AIG1: variants seen among roughly 807,000 people sequenced by gnomAD.
AIG1 encodes the protein androgen induced 1.
Under a neutral mutation model 31.4 loss-of-function variants are expected in AIG1, and 23 were observed. That is an observed-to-expected ratio of 0.73 (90% CI 0.53 to 1.04). AIG1 has a LOEUF of 1.04. AIG1 is among the 50% of genes least tolerant of loss of function. The pLI is 0.00. For synonymous variants in AIG1, 100 were observed against 110.5 expected, an observed-to-expected ratio of 0.90 and a Z score of 0.60; for missense variants, 274 against 295.0, an observed-to-expected ratio of 0.93 and a Z score of 0.52.
chr6:143,239,998 C>G (rs1360746933), intron 3 of AIG1, among the ~76,000 whole-genome samples: 1 of 152,130 alleles, frequency 6.6e-6, no homozygotes, highest in Non-Finnish European at 1.5e-5. Flanking sequence ...TACCTAAAGC[C>G]CATCTAAAAT....
At chr6:143,209,479 G>C (rs1418123662) in intron 3 of AIG1, among the ~76,000 whole-genome samples, 1 of 152,162 alleles carries the variant, frequency 6.6e-6, no homozygotes, top group Non-Finnish European at 1.5e-5. Flanking sequence ...ATGTGTAAAA[G>C]GGAGGCAGAA....
At chr6:143,174,441 C>T (rs1787938425) in intron 3 of AIG1, among the ~76,000 whole-genome samples, 2 of 140,710 alleles carry the variant, frequency 1.4e-5, no homozygotes, top group Admixed American at 1.5e-4. Context: ...GAGCAGAGAC[C>T]ATACCATTGC....
At chr6:143,261,142 T>TC (rs772077498) in intron 3 of AIG1, among the ~76,000 whole-genome samples, 8 of 151,938 alleles carry the variant, frequency 5.3e-5, no homozygotes, top group Non-Finnish European at 8.8e-5. Flanking sequence ...TCTTTTTTTT[T>TC]CTCTTTTGAG....
intron 3 of AIG1, among the ~76,000 whole-genome samples, chr6:143,222,320 C>A (rs1792584286): frequency 6.6e-6 from 1 of 152,098 alleles, no homozygotes; most frequent in Non-Finnish European, 1.5e-5. Flanking sequence ...TAGGTGAAGC[C>A]ATCAGTAACT....
intron 3 of AIG1, among the ~76,000 whole-genome samples, chr6:143,231,027 C>T (rs1793406278): frequency 1.3e-5 from 2 of 152,160 alleles, no homozygotes; most frequent in African/African-American, 2.4e-5. Context: ...CTTTAGTTTC[C>T]TCATCTAACA....
rs1012713388 is a variant in AIG1, at chr6:143,326,912, C to T, written c.516-6370C>T. ...AGATATGGGATGGGGCCAAAGAGAC[C>T]GATAGAAGCCACTCTATGAAGAGCA... is the stretch of plus-strand genomic sequence containing the variant. On this transcript the variant is annotated intron_variant, in intron 4 of 5. Transcript: ENST00000357847. This position sits in a 1 kb window ranked among gnomAD's most constrained non-coding sequence, Gnocchi z 4.5. Among the ~76,000 whole-genome samples, 5 of 152,000 alleles carry T rather than the reference C, an allele frequency of 3.3e-5. No homozygotes were observed. Among genetic ancestry groups the T allele is most frequent in the South Asian group, 2.1e-4 (1 of 4,810 alleles).
rs1047819252 is a variant in AIG1, at chr6:143,246,958, C to A, written c.400-37152C>A. Reference sequence around the variant, plus strand: ...TATGGTTTATGACAGGAAAAGGATACAGAATAATGTCAGCCAAGGGAAGAG... The same window carrying A: ...TATGGTTTATGACAGGAAAAGGATAAAGAATAATGTCAGCCAAGGGAAGAG... On this transcript the variant is annotated intron_variant, in intron 3 of 5. Coordinates refer to ENST00000357847, the MANE Select transcript of AIG1 (RefSeq NM_016108.4). 4.3e-4 allele frequency among the ~76,000 whole-genome samples: 65 copies of A among 152,234 alleles called. 1 individual carries two copies. The highest frequency in any genetic ancestry group is 1.4e-3 in the African/African-American group (57 of 41,534).
intron 3 of AIG1, among the ~76,000 whole-genome samples, chr6:143,197,731 G>A (rs1265444241): frequency 6.6e-6 from 1 of 152,180 alleles, no homozygotes; most frequent in African/African-American, 2.4e-5. Context: ...GAATAATTGG[G>A]TAGAACAGAG....
intron 4 of AIG1, among the ~76,000 whole-genome samples, chr6:143,308,153 G>T (rs536209778): frequency 6.6e-6 from 1 of 152,202 alleles, no homozygotes; most frequent in Non-Finnish European, 1.5e-5. Flanking sequence ...GACCCCTTGC[G>T]CTTCCTGAGT....
At chr6:143,312,351 A>G (rs922768082) in intron 4 of AIG1, among the ~76,000 whole-genome samples, 5 of 152,134 alleles carry the variant, frequency 3.3e-5, no homozygotes, top group Non-Finnish European at 5.9e-5. Flanking sequence ...TAGTACTGGC[A>G]TAAAAGCTGA....
At chr6:143,084,534 C>T (rs1046520806) in intron 1 of AIG1, among the ~76,000 whole-genome samples, 2 of 152,102 alleles carry the variant, frequency 1.3e-5, no homozygotes, top group African/African-American at 2.4e-5. Flanking sequence ...TATAAAAAAC[C>T]GAGGTTGCCA....
chr6:143,285,490 C>T lies in AIG1; in HGVS notation c.515+1265C>T, dbSNP rs201297636. ...CAGTCTTGTCAACATGGTGAAACCC[C>T]ATCTCTACTAAAAATACAAAAAATT... On this transcript the variant is annotated intron_variant, in intron 4 of 5. Coordinates refer to ENST00000357847, the MANE Select transcript of AIG1 (RefSeq NM_016108.4). 2.5e-4 allele frequency among the ~76,000 whole-genome samples: 38 copies of T among 151,462 alleles called. No homozygotes were observed. In the East Asian group the frequency reaches 5.8e-3, roughly 23 times the overall value.
rs181042890 is a variant in AIG1 at position 143,172,857 on chromosome 6, G to A, written c.399+7674G>A. Among the ~76,000 whole-genome samples the A allele has an allele frequency of 4.8e-4, 73 of 152,206 alleles. 1 individual carries two copies. The East Asian group carries it at 0.013, about 26-fold the overall frequency. ...GGTTTTCTAGTTTATGTGCATAAAG[G>A]TGTTCACCGTAGCCTTGAATGATCG... On this transcript the variant is annotated intron_variant, in intron 3 of 5. Coordinates refer to ENST00000357847, the MANE Select transcript of AIG1 (RefSeq NM_016108.4).
intron 4 of AIG1, among the ~76,000 whole-genome samples, chr6:143,313,282 C>A (rs1303644548): frequency 6.6e-6 from 1 of 152,030 alleles, no homozygotes; most frequent in East Asian, 1.9e-4. Flanking sequence ...TTCACAATAG[C>A]CAAGATTTGG....
chr6:143,207,545 C>CA (rs1485979051), intron 3 of AIG1, among the ~76,000 whole-genome samples: 43 of 151,640 alleles, frequency 2.8e-4, no homozygotes, highest in African/African-American at 9.4e-4. Context: ...CACACACACA[C>CA]CCCTACTCCT....
chr6:143,081,727 G>A (rs1248170416), intron 1 of AIG1, among the ~76,000 whole-genome samples: 1 of 152,074 alleles, frequency 6.6e-6, no homozygotes, highest in African/African-American at 2.4e-5. Flanking sequence ...ATTTCCATTG[G>A]TTAGCTGCAG....
At position 143,102,455 on chromosome 6, in the gene AIG1, G is replaced by GAT. The variant is rs371528173; in HGVS notation, c.142-34364_142-34363dup. Among the ~76,000 whole-genome samples, 349 of 141,444 alleles carry GAT rather than the reference G, an allele frequency of 2.5e-3. 3 individuals are homozygous for GAT. Among genetic ancestry groups the GAT allele is most frequent in the South Asian group, 0.012 (53 of 4,508 alleles). The allele number at this position is 141,444 out of a possible 152,430, so 92.8% of individuals were successfully genotyped here. A position where few individuals can be genotyped will look rare whatever the true frequency, so the allele number is the denominator to read the frequency against. ...AAATGCATTGTTCAGGGCCTCTTAGGATATATATATATATATAAAATATAA... is the reference window on the plus strand; with the variant it reads ...AAATGCATTGTTCAGGGCCTCTTAGGATATATATATATATATATAAAATATAA... On this transcript the variant is annotated intron_variant, in intron 1 of 5. Transcript: ENST00000357847.
At chr6:143,089,547 G>T (rs932143459) in intron 1 of AIG1, among the ~76,000 whole-genome samples, 3 of 152,188 alleles carry the variant, frequency 2.0e-5, no homozygotes, top group Non-Finnish European at 2.9e-5. Context: ...TAGTCCATTT[G>T]TATTGCTATA....
At chr6:143,260,098 A>G (rs1795649388) in intron 3 of AIG1, among the ~76,000 whole-genome samples, 2 of 136,178 alleles carry the variant, frequency 1.5e-5, no homozygotes, top group South Asian at 4.4e-4. Flanking sequence ...ATCTCGGCTC[A>G]CTGCAAGCTC....
Sources: gnomAD v4.1 joint callset for allele counts (sites outside exome capture counted in the v4.1 genomes callset) on GRCh38, gnomAD v4.1.1 for gene constraint, Gnocchi (gnomAD v3.1) non-coding constraint, MANE v1.5 for transcripts, NCBI Gene and HGNC (gene_info 2026-07-23, HGNC 2026-07-21) for gene names.